Variants in SUGCT observed in about 807,000 individuals in gnomAD.
The protein encoded by SUGCT is succinyl-CoA:glutarate-CoA transferase.
Under a neutral mutation model 55.0 loss-of-function variants are expected in SUGCT, and 41 were observed. That is an observed-to-expected ratio of 0.74 (90% CI 0.58 to 0.97). The LOEUF (loss-of-function observed/expected upper bound fraction) is 0.97. SUGCT is among the 50% of genes least tolerant of loss of function. The pLI, the probability that SUGCT is intolerant of heterozygous loss-of-function variation, is 0.00. For missense variants in SUGCT, 568 were observed against 547.8 expected (o/e 1.04, Z -0.37); for synonymous variants, 187 against 200.4 (o/e 0.93, Z 0.56).
the SUGCT span, among the ~76,000 whole-genome samples, chr7:40,883,785 C>T: frequency 4.6e-5 from 7 of 152,262 alleles, no homozygotes; most frequent in Admixed American, 3.3e-4. Flanking sequence ...TAAGTATAAG[C>T]AGTGGATTGA....
intron 9 of SUGCT, among the ~76,000 whole-genome samples, chr7:40,395,509 A>AG (rs1402049393): frequency 6.6e-6 from 1 of 151,306 alleles, no homozygotes; most frequent in African/African-American, 2.4e-5. Flanking sequence ...AAAAAAAAAA[A>AG]AAAAAGAAAA....
At chr7:40,458,457 A>G (rs1270678080) in intron 10 of SUGCT, among the ~76,000 whole-genome samples, 1 of 152,218 alleles carries the variant, frequency 6.6e-6, no homozygotes, top group Admixed American at 6.5e-5. Context: ...AGTTGGTATT[A>G]CTTCAGGGAG....
At chr7:40,501,047 T>C (rs1354401929) in intron 12 of SUGCT, among the ~76,000 whole-genome samples, 2 of 152,184 alleles carry the variant, frequency 1.3e-5, no homozygotes, top group Non-Finnish European at 2.9e-5. Context: ...TTTCTAATAC[T>C]GCTGGGAAAT....
At chr7:40,862,231 C>T (rs565210314), downstream of SUGCT, among the ~76,000 whole-genome samples, 13 of 151,976 alleles carry the variant, frequency 8.6e-5, no homozygotes, top group African/African-American at 2.9e-4. Context: ...AATCCATGTA[C>T]AGCTCAGTCT....
chr7:40,221,634 G>T (rs1344521941), intron 6 of SUGCT, among the ~76,000 whole-genome samples: 2 of 150,878 alleles, frequency 1.3e-5, no homozygotes, highest in African/African-American at 4.9e-5. Flanking sequence ...GGGATTACAG[G>T]CGTGTGCCAC....
intron 6 of SUGCT, among the ~76,000 whole-genome samples, chr7:40,235,596 G>A (rs1389907363): frequency 6.6e-6 from 1 of 152,012 alleles, no homozygotes; most frequent in African/African-American, 2.4e-5. Flanking sequence ...CAAAGTGCTG[G>A]GATTATAGGC....
intron 11 of SUGCT, among the ~76,000 whole-genome samples, chr7:40,476,972 C>T (rs961036130): frequency 6.6e-6 from 1 of 152,054 alleles, no homozygotes; most frequent in African/African-American, 2.4e-5. Flanking sequence ...AGCCACTGCG[C>T]CCAGCCAAAT....
intron 6 of SUGCT, among the ~76,000 whole-genome samples, chr7:40,223,201 C>T (rs1788143964): frequency 6.6e-6 from 1 of 152,062 alleles, no homozygotes; most frequent in African/African-American, 2.4e-5. Flanking sequence ...GCTGGGGCTA[C>T]AGGTGCCCAC....
Position 40,198,201 on chromosome 7 carries a change from C to A in SUGCT, c.484+3141C>A, listed in dbSNP as rs371397484. Among the ~76,000 whole-genome samples, 92 of 152,240 alleles carry A rather than the reference C, an allele frequency of 6.0e-4. 2 individuals are homozygous for A. The South Asian group carries it at 0.018, about 29-fold the overall frequency. ...TTATTAGAATAACATCTATATACTC[C>A]GTTCTCCTTTATTTCCTGATAATGA... On this transcript the variant is annotated intron_variant, in intron 6 of 13. Coordinates refer to ENST00000335693, the MANE Select transcript of SUGCT (RefSeq NM_001193313.2).
At chr7:40,833,058 G>T (rs1448439725) in intron 13 of SUGCT, among the ~76,000 whole-genome samples, 1 of 151,848 alleles carries the variant, frequency 6.6e-6, no homozygotes, top group Non-Finnish European at 1.5e-5. Flanking sequence ...TGACAGGTCT[G>T]CATATTTTAC....
At chr7:40,388,152 G>GA (rs1398813495) in intron 9 of SUGCT, 1 of 152,098 alleles carries the variant, frequency 6.6e-6, no homozygotes, top group African/African-American at 2.4e-5. Context: ...TGTTAAGACT[G>GA]AAAAAATGAA....
At chr7:40,416,153 C>A (rs1481886110) in intron 9 of SUGCT, among the ~76,000 whole-genome samples, 1 of 151,834 alleles carries the variant, frequency 6.6e-6, no homozygotes, top group Non-Finnish European at 1.5e-5. Flanking sequence ...TAAAATTTTA[C>A]AACAAAATAG....
chr7:40,333,183 C>T (rs1046246985), intron 9 of SUGCT, among the ~76,000 whole-genome samples: 3 of 151,856 alleles, frequency 2.0e-5, no homozygotes, highest in Admixed American at 6.6e-5. Flanking sequence ...TCTTTAGGAG[C>T]ATCAGGGTTG....
intron 1 of SUGCT, among the ~76,000 whole-genome samples, chr7:40,178,952 C>T (rs1457990060): frequency 1.3e-5 from 2 of 151,824 alleles, no homozygotes; most frequent in Non-Finnish European, 2.9e-5. Flanking sequence ...TTTTGTTCTG[C>T]TCTGTAGGTG....
At chr7:40,372,955 A>G (rs946285463) in intron 9 of SUGCT, among the ~76,000 whole-genome samples, 12 of 152,040 alleles carry the variant, frequency 7.9e-5, no homozygotes, top group Non-Finnish European at 1.6e-4. Flanking sequence ...ACAAATATAT[A>G]CAGACAGAGG....
the SUGCT span, among the ~76,000 whole-genome samples, chr7:40,894,416 T>C: frequency 6.6e-6 from 1 of 152,038 alleles, no homozygotes; most frequent in Non-Finnish European, 1.5e-5. Context: ...GGCAAACATT[T>C]CATGATGAAG....
intron 13 of SUGCT, among the ~76,000 whole-genome samples, chr7:40,834,295 C>T (rs569865113): frequency 6.2e-4 from 94 of 152,072 alleles, no homozygotes; most frequent in Non-Finnish European, 1.1e-3. Flanking sequence ...CAAAGACATA[C>T]GCTTGGACCC....
the SUGCT span, among the ~76,000 whole-genome samples, chr7:40,909,306 C>T: frequency 6.6e-6 from 1 of 152,178 alleles, no homozygotes; most frequent in Non-Finnish European, 1.5e-5. Context: ...CTGCTGGACA[C>T]TCGATGTTTG....
At chr7:40,376,918 T>C (rs939987166) in intron 9 of SUGCT, among the ~76,000 whole-genome samples, 2 of 151,880 alleles carry the variant, frequency 1.3e-5, no homozygotes, top group African/African-American at 4.8e-5. Flanking sequence ...GTATTTTCAC[T>C]GCATGTAGAA....
Sources: allele counts gnomAD v4.1 joint callset (sites outside exome capture counted in the v4.1 genomes callset), GRCh38; gene constraint gnomAD v4.1.1; transcripts MANE v1.5; gene names NCBI Gene and HGNC (gene_info 2026-07-23, HGNC 2026-07-21).